GRK5: variants seen among roughly 807,000 people sequenced by gnomAD.
GRK5 encodes the protein G protein-coupled receptor kinase 5, also known as g protein-coupled receptor kinase GRK5.
Under a neutral mutation model 78.4 loss-of-function variants are expected in GRK5, and 40 were observed. That is an observed-to-expected ratio of 0.51 (90% CI 0.40 to 0.66). The LOEUF (loss-of-function observed/expected upper bound fraction) is 0.66. GRK5 is among the 30% of genes least tolerant of loss of function. The pLI, the probability that GRK5 is intolerant of heterozygous loss-of-function variation, is 0.00. For missense variants in GRK5, 598 were observed against 759.9 expected, an observed-to-expected ratio of 0.79 and a Z score of 2.50; for synonymous variants, 289 against 296.8, an observed-to-expected ratio of 0.97 and a Z score of 0.27.
intron 1 of GRK5, among the ~76,000 whole-genome samples, chr10:119,261,061 G>T (rs1469857431): frequency 3.8e-5 from 2 of 52,826 alleles, no homozygotes; most frequent in African/African-American, 5.5e-5. Flanking sequence ...CCTCCCGGAC[G>T]GGGCGGCTGG....
intron 2 of GRK5, among the ~76,000 whole-genome samples, chr10:119,361,600 A>T (rs1851363558): frequency 1.3e-5 from 2 of 152,058 alleles, no homozygotes; most frequent in Non-Finnish European, 2.9e-5. Context: ...CACTGAGGAG[A>T]CGTGAGAGGA....
chr10:119,445,071 C>T lies in GRK5; in HGVS notation c.1266+1319C>T, dbSNP rs527662899. On this transcript the variant is annotated intron_variant, in intron 12 of 15. Transcript: ENST00000392870. The surrounding 1 kb of genome is among the most constrained non-coding windows in gnomAD (Gnocchi z 4.1). ...GCTGTGGGAAGAAGTCCTGTGTGTA[C>T]AGCAGACCCACACTCTAACCCCACA... Among the ~76,000 whole-genome samples the T allele has an allele frequency of 3.2e-4, 48 of 152,250 alleles. 1 individual carries two copies. The South Asian group carries it at 9.9e-3, about 32-fold the overall frequency.
At chr10:119,216,171 C>G (rs754126428) in intron 1 of GRK5, among the ~76,000 whole-genome samples, 9 of 152,230 alleles carry the variant, frequency 5.9e-5, no homozygotes, top group Non-Finnish European at 1.0e-4. Flanking sequence ...GTCTATCTGA[C>G]GTACCAGAGT....
At chr10:119,373,159 G>A (rs192186668) in intron 2 of GRK5, among the ~76,000 whole-genome samples, 115 of 152,360 alleles carry the variant, frequency 7.5e-4, no homozygotes, top group African/African-American at 2.6e-3. Flanking sequence ...GTATCAGTCC[G>A]TGATGGATTG....
At chr10:119,373,229 A>G (rs184136132) in intron 2 of GRK5, among the ~76,000 whole-genome samples, 55 of 152,308 alleles carry the variant, frequency 3.6e-4, no homozygotes, top group African/African-American at 1.2e-3. Flanking sequence ...TTTAAACTGG[A>G]GAGTATGTTA....
In GRK5 at chr10:119,329,048, A is replaced by G. The variant is rs191820187; in HGVS notation, c.148+2437A>G. Among the ~76,000 whole-genome samples, 42 of 152,324 alleles carry G rather than the reference A, an allele frequency of 2.8e-4. 1 individual carries two copies. Among genetic ancestry groups the G allele is most frequent in the African/African-American group, 1.0e-3 (42 of 41,578 alleles). On this transcript the variant is annotated intron_variant, in intron 2 of 15. Transcript: ENST00000392870. Reference sequence around the variant, plus strand: ...CTGCCTCACAGGAGGGGCACAATAGATGTTAGTTGGATGAACGAGGGAAGG... The same window carrying G: ...CTGCCTCACAGGAGGGGCACAATAGGTGTTAGTTGGATGAACGAGGGAAGG...
chr10:119,331,210 G>C (rs1170846841), intron 2 of GRK5, among the ~76,000 whole-genome samples: 1 of 152,248 alleles, frequency 6.6e-6, no homozygotes, highest in Non-Finnish European at 1.5e-5. Flanking sequence ...ACTCCCCTGG[G>C]ATGGTGTGAG....
rs2275036 is a variant in GRK5, at chr10:119,380,809, C to T, written c.149-6C>T. The stretch of plus-strand genomic sequence containing the variant: ...TCTCATCACATTCTTCTTTTCTTGT[C>T]TCCAGACAGAGATTACTGCAGTTTA... On this transcript the variant is annotated splice_polypyrimidine_tract_variant and splice_region_variant and intron_variant, in intron 2 of 15. Transcript: ENST00000392870. 227,235 of 1,582,214 alleles carry T rather than the reference C, an allele frequency of 0.14. 18,406 individuals are homozygous for T. Among genetic ancestry groups the T allele is most frequent in the East Asian group, 0.38 (16,916 of 44,436 alleles).
rs1853398354 is a variant in GRK5, at chr10:119,456,043, T to A, written c.*976T>A. On this transcript the variant is annotated 3_prime_UTR_variant, in exon 16 of 16. Transcript: ENST00000392870. This position sits in a 1 kb window ranked among gnomAD's most constrained non-coding sequence, Gnocchi z 5.5. ...AAGATGTGTCATGAAACCCCAAGTGTCCCAAAGCCTCGGGGCCCACAGGAG... is the reference window on the plus strand; with the variant it reads ...AAGATGTGTCATGAAACCCCAAGTGACCCAAAGCCTCGGGGCCCACAGGAG... 1 of 152,286 alleles carries A rather than the reference T, an allele frequency of 6.6e-6. No homozygotes were observed. The highest frequency in any genetic ancestry group is 1.5e-5 in the Non-Finnish European group (1 of 68,072). The allele number at this position is 152,286 out of a possible 1,614,324, so 9.4% of individuals were successfully genotyped here. A position where few individuals can be genotyped will look rare whatever the true frequency, so the allele number is the denominator to read the frequency against.
intron 11 of GRK5, 109 bp from the exon 12 acceptor site, chr10:119,443,435 G>A: frequency 1.1e-6 from 1 of 948,042 alleles, no homozygotes; most frequent in Admixed American, 2.3e-5. Flanking sequence ...ATTCACAGCA[G>A]TTGGTGGGGT....
chr10:119,424,924 C>G (rs1852642554), intron 5 of GRK5, 69 bp from the exon 6 acceptor site: 2 of 1,111,324 alleles, frequency 1.8e-6, no homozygotes, highest in South Asian at 1.2e-5. Flanking sequence ...CAAAGCTGGA[C>G]ACAGCTTTGC....
intron 4 of GRK5, among the ~76,000 whole-genome samples, chr10:119,406,067 G>T (rs915574561): frequency 9.9e-5 from 15 of 152,226 alleles, no homozygotes; most frequent in Non-Finnish European, 1.9e-4. Flanking sequence ...ATTAGTGAAT[G>T]TGAGAGCCCT....
intron 2 of GRK5, among the ~76,000 whole-genome samples, chr10:119,329,993 G>A (rs566240870): frequency 5.3e-5 from 8 of 150,476 alleles, no homozygotes; most frequent in African/African-American, 1.7e-4. Context: ...CTCCCAAGTA[G>A]CTGGGATTAC....
At chr10:119,341,232 C>A (rs1850975766) in intron 2 of GRK5, among the ~76,000 whole-genome samples, 1 of 152,220 alleles carries the variant, frequency 6.6e-6, no homozygotes, top group African/African-American at 2.4e-5. Flanking sequence ...AAGCTCCATG[C>A]AGCAGCCAGG....
intron 5 of GRK5, among the ~76,000 whole-genome samples, chr10:119,424,149 A>G (rs1038965050): frequency 1.3e-5 from 2 of 152,182 alleles, no homozygotes; most frequent in Non-Finnish European, 2.9e-5. Context: ...GGAGCTGCCC[A>G]GGAATCAGAT....
At chr10:119,373,031 G>A (rs1335147592) in intron 2 of GRK5, among the ~76,000 whole-genome samples, 1 of 152,226 alleles carries the variant, frequency 6.6e-6, no homozygotes, top group Non-Finnish European at 1.5e-5. Flanking sequence ...ATAGCAATTC[G>A]TTGTGGCTGT....
intron 1 of GRK5, among the ~76,000 whole-genome samples, chr10:119,213,727 C>T (rs747932302): frequency 3.3e-5 from 5 of 152,098 alleles, no homozygotes; most frequent in Admixed American, 6.6e-5. Context: ...AACTGTGCTG[C>T]TTTTAAAAGA....
chr10:119,270,987 C>A (rs532122311), intron 1 of GRK5, among the ~76,000 whole-genome samples: 1 of 152,128 alleles, frequency 6.6e-6, no homozygotes, highest in Non-Finnish European at 1.5e-5. Flanking sequence ...AAGGCTGAAG[C>A]GATAGGATGA....
At position 119,453,230 on chromosome 10, in the gene GRK5, C is replaced by T. The variant is rs771181138; in HGVS notation, c.1628C>T (p.Pro543Leu). The T allele has an allele frequency of 2.5e-5, 40 of 1,613,872 alleles. No homozygotes were observed. Among genetic ancestry groups the T allele is most frequent in the African/African-American group, 5.3e-5 (4 of 74,910 alleles). Residue 543 changes from proline (P) to leucine (L), a missense_variant, in exon 15 of 16, where the codon CCG becomes CTG. Transcript: ENST00000392870. ...LPPDLNRNHP[P>L]EPPKKGLLQR... ...CCAGATCTGAACAGAAACCACCCTC[C>T]GGAACCGCCCAAGAAAGGGCTGCTC...
Sources: gnomAD v4.1 joint callset for allele counts (sites outside exome capture counted in the v4.1 genomes callset) on GRCh38, gnomAD v4.1.1 for gene constraint, Gnocchi (gnomAD v3.1) non-coding constraint, MANE v1.5 for transcripts, NCBI Gene and HGNC (gene_info 2026-07-23, HGNC 2026-07-21) for gene names.